Variants in SSB observed in about 807,000 individuals in gnomAD.
SSB encodes the protein small RNA binding exonuclease protection factor La.
A neutral mutation model predicts 52.9 loss-of-function variants in SSB; 17 were observed. The observed-to-expected ratio is 0.32, with a 90% CI of 0.22 to 0.48. The LOEUF is 0.48. Among genes scored for constraint, SSB ranks in the 20% least tolerant of loss-of-function variants. The pLI, the probability that SSB is intolerant of heterozygous loss-of-function variation, is 0.99. For missense variants in SSB, 314 were observed against 463.6 expected (o/e 0.68, Z 2.96); for synonymous variants, 111 against 152.1 (o/e 0.73, Z 1.99).
At chr2:169,800,237 T>C (rs931049098) in intron 1 of SSB, among the ~76,000 whole-genome samples, 2 of 152,126 alleles carry the variant, frequency 1.3e-5, no homozygotes, top group African/African-American at 4.8e-5. Context: ...GACTACATTT[T>C]AAAAGAAATG....
chr2:169,800,889 T>C, intron 1 of SSB, 63 bp from the exon 2 acceptor site: 3 of 1,251,126 alleles, frequency 2.4e-6, no homozygotes, highest in Non-Finnish European at 3.3e-6. Context: ...TTGTAAACAT[T>C]ATCTTTCTAT....
chr2:169,811,282 GTGA>G lies in SSB; in HGVS notation c.1104_1106del (p.Asp368del). On this transcript the variant is annotated inframe_deletion, in exon 11 of 12. Coordinates refer to ENST00000260956, the MANE Select transcript of SSB (RefSeq NM_003142.5). ...CAGGGCAAGAAAACGAAATTTGCTA[GTGA>G]TGATGAACATGATGAACATGATGAA... is the stretch of plus-strand genomic sequence containing the variant. 1 of 1,609,908 alleles carries G rather than the reference GTGA, an allele frequency of 6.2e-7. No homozygotes were observed. The highest frequency in any genetic ancestry group is 1.7e-5 in the Admixed American group (1 of 58,672).
At chr2:169,799,115 G>C (rs1272291264) in intron 1 of SSB, 139 bp downstream of exon 1, 1 of 152,082 alleles carries the variant, frequency 6.6e-6, no homozygotes, top group East Asian at 1.9e-4. Flanking sequence ...CGAGCGCCGC[G>C]TGGGCCGCAG....
rs181733163 is a variant in SSB, at chr2:169,811,244, A to G, written c.1059A>G (p.Gly353=). The G allele has an allele frequency of 6.2e-7, 1 of 1,611,614 alleles. No individual in the cohort carries two copies. Among genetic ancestry groups the G allele is most frequent in the African/African-American group, 1.3e-5 (1 of 74,872 alleles). The change falls in exon 11 of 12, where the codon GGA becomes GGG. Residue 353 remains glycine (G), a synonymous_variant. Transcript: ENST00000260956. ...CTGCCCAGCCTGGGTCTGGTAAAGG[A>G]AAAGTACAGTTTCAGGGCAAGAAAA... ...NKAAQPGSGK[G]KVQFQGKKTK...
rs146533326 is a variant in SSB at position 169,803,487 on chromosome 2, T to G, written c.67-1987T>G. ...CTGGTTTCGAACTCCTGACCTCGGG[T>G]GATCCACCTGCTTCGGCCACCCAAA... On this transcript the variant is annotated intron_variant, in intron 2 of 11. Coordinates refer to ENST00000260956, the MANE Select transcript of SSB (RefSeq NM_003142.5). Among the ~76,000 whole-genome samples the G allele has an allele frequency of 7.8e-3, 1,182 of 152,230 alleles. 14 individuals are homozygous for G. The highest frequency in any genetic ancestry group is 0.026 in the African/African-American group (1,071 of 41,536).
At chr2:169,808,446 C>T (rs760494880) in intron 6 of SSB, 36 bp from the exon 7 acceptor site, 3 of 1,548,304 alleles carry the variant, frequency 1.9e-6, no homozygotes, top group Non-Finnish European at 2.7e-6. Flanking sequence ...TAACTTTGTT[C>T]TCGTGAACTT....
At chr2:169,809,103 G>A (rs767904499) in intron 8 of SSB, 15 of 575,696 alleles carry the variant, frequency 2.6e-5, no homozygotes, top group African/African-American at 5.6e-5. Flanking sequence ...GGAAAAGGCC[G>A]GGTGCAGTGG....
At position 169,803,442 on chromosome 2, in the gene SSB, G is replaced by T. The variant is rs1689752104; in HGVS notation, c.67-2032G>T. The stretch of plus-strand genomic sequence containing the variant: ...TTTTTGTATTTTTAGTGGAGACGGG[G>T]TTTCACCATGTTGGTCAGGCTGGTT... On this transcript the variant is annotated intron_variant, in intron 2 of 11. Coordinates refer to ENST00000260956, the MANE Select transcript of SSB (RefSeq NM_003142.5). Among the ~76,000 whole-genome samples, 3 of 152,040 alleles carry T rather than the reference G, an allele frequency of 2.0e-5. No homozygotes were observed. In the South Asian group the frequency reaches 6.2e-4, roughly 32 times the overall value.
At position 169,808,916 on chromosome 2, in the gene SSB, AC is replaced by A; in HGVS notation, c.669+15del. 3 of 1,591,230 alleles carry A rather than the reference AC, an allele frequency of 1.9e-6. No homozygotes were observed. Among genetic ancestry groups the A allele is most frequent in the Non-Finnish European group, 2.6e-6 (3 of 1,159,796 alleles). On this transcript the variant is annotated intron_variant, in intron 8 of 11. Transcript: ENST00000260956. ...GATGCTGAAATGGTAAGTATATATT[AC>A]TGCTATCTAGTACATCTGTAATTCG...
Position 169,810,355 on chromosome 2 carries a change from G to A in SSB, c.742G>A (p.Asp248Asn), listed in dbSNP as rs774879990. The change falls in exon 9 of 12, where the codon GAT becomes AAT. Residue 248 changes from aspartate to asparagine, a missense_variant. Asp to Asn is a conservative substitution (Grantham distance 23, BLOSUM62 1). Transcript: ENST00000260956. Reference sequence around the variant, plus strand: ...TTTAGATGATCAGACCTGTAGAGAAGATTTACACATACTTTTCTCAAATCA... The same window carrying A: ...TTTAGATGATCAGACCTGTAGAGAAAATTTACACATACTTTTCTCAAATCA... ...GDLDDQTCREDLHILFSNHGE... is the reference protein window; with the variant it reads ...GDLDDQTCRENLHILFSNHGE... 6.2e-7 allele frequency: 1 copy of A among 1,610,196 alleles called. No individual in the cohort carries two copies. The highest frequency in any genetic ancestry group is 8.5e-7 in the Non-Finnish European group (1 of 1,178,840).
At chr2:169,810,825 G>A in intron 9 of SSB, 33 bp from the exon 10 acceptor site, 1 of 1,562,634 alleles carries the variant, frequency 6.4e-7, no homozygotes, top group South Asian at 1.2e-5. Context: ...TAAAAACCAA[G>A]GGTATGGCTT....
intron 6 of SSB, among the ~76,000 whole-genome samples, chr2:169,807,568 C>T (rs377675913): frequency 1.8e-4 from 27 of 152,252 alleles, no homozygotes; most frequent in African/African-American, 5.8e-4. Flanking sequence ...GGACTACAGG[C>T]GTGAGCCACT....
Position 169,811,935 on chromosome 2 carries a change from T to C in SSB, c.*179T>C. On this transcript the variant is annotated 3_prime_UTR_variant, in exon 12 of 12. Transcript: ENST00000260956. ...AAATGAGATTTCTTTGAATGTATTG[T>C]TCTGTTTGTGTTATTTCAGATGATT... 1 of 1,491,106 alleles carries C rather than the reference T, an allele frequency of 6.7e-7. No homozygotes were observed. Among genetic ancestry groups the C allele is most frequent in the South Asian group, 1.2e-5 (1 of 83,552 alleles). 92.4% of individuals were successfully genotyped at this position (1,491,106 alleles called of 1,614,324 possible). A position where few individuals can be genotyped will look rare whatever the true frequency, so the allele number is the denominator to read the frequency against.
In SSB at chr2:169,800,755, T is replaced by A. The variant is rs113237130; in HGVS notation, c.-9-197T>A. Among the ~76,000 whole-genome samples the A allele has an allele frequency of 9.1e-3, 1,385 of 152,288 alleles. 25 individuals carry two copies. Among genetic ancestry groups the A allele is most frequent in the African/African-American group, 0.031 (1,283 of 41,546 alleles). The stretch of plus-strand genomic sequence containing the variant: ...ACTGAAAGACAAGTTTTTTATAGTT[T>A]TTAGATTTTTTCATCACTTATTCCA... On this transcript the variant is annotated intron_variant, in intron 1 of 11. Transcript: ENST00000260956.
At chr2:169,803,991 A>T (rs1226629601) in intron 2 of SSB, among the ~76,000 whole-genome samples, 1 of 152,076 alleles carries the variant, frequency 6.6e-6, no homozygotes, top group African/African-American at 2.4e-5. Context: ...GACCCGCCTC[A>T]GCCTCCCAAA....
chr2:169,800,957 C>A lies in SSB; in HGVS notation c.-4C>A. ...TAATTTGGGAAATTTTACAGATAGC[C>A]GCAATGGCTGAAAATGGTGATAATG... On this transcript the variant is annotated 5_prime_UTR_variant, in exon 2 of 12. Coordinates refer to ENST00000260956, the MANE Select transcript of SSB (RefSeq NM_003142.5). 2 of 1,578,522 alleles carry A rather than the reference C, an allele frequency of 1.3e-6. No individual in the cohort carries two copies. Among genetic ancestry groups the A allele is most frequent in the Admixed American group, 1.9e-5 (1 of 52,394 alleles).
At chr2:169,803,087 T>A (rs1270538474) in intron 2 of SSB, among the ~76,000 whole-genome samples, 1 of 152,238 alleles carries the variant, frequency 6.6e-6, no homozygotes, top group African/African-American at 2.4e-5. Context: ...AGTTTACATC[T>A]ACCTGAATGG....
chr2:169,808,769 A>G, intron 7 of SSB, 91 bp from the exon 8 acceptor site: 1 of 1,173,124 alleles, frequency 8.5e-7, no homozygotes, highest in Non-Finnish European at 1.2e-6. Flanking sequence ...TGGTTAAGTA[A>G]GTTTAGTGAT....
intron 8 of SSB, among the ~76,000 whole-genome samples, chr2:169,809,476 C>T (rs1689898568): frequency 6.6e-6 from 1 of 152,094 alleles, no homozygotes. Context: ...AGAAAATGTC[C>T]TATAACTTCT....
Sources: gnomAD v4.1 joint callset for allele counts (sites outside exome capture counted in the v4.1 genomes callset) on GRCh38, gnomAD v4.1.1 for gene constraint, MANE v1.5 for transcripts, NCBI Gene and HGNC (gene_info 2026-07-23, HGNC 2026-07-21) for gene names.